The following CHGB variants were observed in gnomAD, a reference collection of about 807,000 sequenced individuals.
CHGB encodes the protein secretogranin-1.
A neutral mutation model predicts 69.9 loss-of-function variants in CHGB; 46 were observed. That is an observed-to-expected ratio of 0.66 (90% CI 0.52 to 0.84). The LOEUF (loss-of-function observed/expected upper bound fraction) is 0.84. CHGB is among the 40% of genes least tolerant of loss of function. The probability of loss-of-function intolerance (pLI) is 0.00; values close to 1 mark genes in which losing one functional copy is unlikely to be tolerated. For synonymous variants in CHGB, 312 were observed against 298.2 expected (o/e 1.05, Z -0.48); for missense variants, 796 against 822.2 (o/e 0.97, Z 0.39).
In CHGB at chr20:5,923,059, A is replaced by C. The variant is rs1322099030; in HGVS notation, c.915A>C (p.Gly305=). 3.7e-6 allele frequency: 6 copies of C among 1,613,966 alleles called. No individual in the cohort carries two copies. The highest frequency in any genetic ancestry group is 8.5e-7 in the Non-Finnish European group (1 of 1,179,970). Residue 305 remains glycine, a synonymous_variant, in exon 4 of 5, where the codon GGA becomes GGC. Coordinates refer to ENST00000378961, the MANE Select transcript of CHGB (RefSeq NM_001819.3). ...QGGSLPSEEK[G]HPQEESEESN... ...GGAGTCTTCCCTCTGAGGAAAAGGG[A>C]CACCCCCAGGAGGAATCTGAGGAGT... is the stretch of plus-strand genomic sequence containing the variant.
intron 3 of CHGB, among the ~76,000 whole-genome samples, chr20:5,921,702 A>G (rs1600213743): frequency 2.0e-5 from 3 of 152,240 alleles, no homozygotes; most frequent in African/African-American, 7.2e-5. Flanking sequence ...TTTCTCAGGC[A>G]AGAAATGTAC....
intron 1 of CHGB, chr20:5,915,679 A>G (rs1490959588): frequency 6.6e-6 from 1 of 152,210 alleles, no homozygotes; most frequent in African/African-American, 2.4e-5. Flanking sequence ...GTAGGCAGAG[A>G]AGGACCAAGG....
chr20:5,916,147 T>G, intron 1 of CHGB, 179 bp from the exon 2 acceptor site: 1 of 607,120 alleles, frequency 1.6e-6, no homozygotes, highest in Non-Finnish European at 2.9e-6. Flanking sequence ...AGAAGTCCCC[T>G]CCTTGTCTGT....
rs2088535655 is a variant in CHGB, at chr20:5,924,059, G to T, written c.1915G>T (p.Glu639Ter). 1 of 1,613,210 alleles carries T rather than the reference G, an allele frequency of 6.2e-7. No homozygotes were observed. The highest frequency in any genetic ancestry group is 1.7e-5 in the Admixed American group (1 of 59,922). ...PVSTHQEAEN[E>*]KDRADQTVLT... ...GAGCACCCACCAGGAGGCAGAAAAT[G>T]AAAAGGACAGGGCTGACCAGACAGT... Residue 639 changes from glutamate to a stop codon, truncating the protein, a stop_gained, in exon 4 of 5, where the codon GAA (glutamate) becomes TAA (stop). Coordinates refer to ENST00000378961, the MANE Select transcript of CHGB (RefSeq NM_001819.3). LOFTEE classifies it high-confidence loss of function.
chr20:5,923,786 G>C lies in CHGB; in HGVS notation c.1642G>C (p.Glu548Gln). The C allele has an allele frequency of 8.1e-6, 13 of 1,614,200 alleles. No individual in the cohort carries two copies. The highest frequency in any genetic ancestry group is 8.5e-6 in the Non-Finnish European group (10 of 1,180,028). Reference sequence around the variant, plus strand: ...AGACAACATGAATGACAATTTTCTCGAGGGTGAGGAGGAAAATGAGCTGAC... The same window carrying C: ...AGACAACATGAATGACAATTTTCTCCAGGGTGAGGAGGAAAATGAGCTGAC... ...RRDNMNDNFL[E>Q]GEEENELTLN... Residue 548 changes from glutamate to glutamine, a missense_variant, in exon 4 of 5, where the codon GAG (glutamate) becomes CAG (glutamine). Glu to Gln is a conservative substitution (Grantham distance 29). This residue lies in a region of CHGB where 274 missense variants were observed against 298.9 expected (regional missense o/e 0.92). Coordinates refer to ENST00000378961, the MANE Select transcript of CHGB (RefSeq NM_001819.3).
chr20:5,919,964 A>G (rs1389504197), intron 3 of CHGB, among the ~76,000 whole-genome samples: 7 of 152,194 alleles, frequency 4.6e-5, no homozygotes, highest in Admixed American at 4.6e-4. Context: ...TAATTTCTTC[A>G]CAGGTACAAG....
Position 5,925,087 on chromosome 20 carries a change from A to T in CHGB, c.*38A>T. 7.1e-7 allele frequency: 1 copy of T among 1,412,820 alleles called. No homozygotes were observed. Among genetic ancestry groups the T allele is most frequent in the Non-Finnish European group, 9.9e-7 (1 of 1,008,572 alleles). 87.5% of individuals were successfully genotyped at this position (1,412,820 alleles called of 1,614,324 possible). A position where few individuals can be genotyped will look rare whatever the true frequency, so the allele number is the denominator to read the frequency against. On this transcript the variant is annotated 3_prime_UTR_variant, in exon 5 of 5. Coordinates refer to ENST00000378961, the MANE Select transcript of CHGB (RefSeq NM_001819.3). ...CGGTGGGCACTGTTAAGAAGCAGCC[A>T]TCACATGATCTGTTTTTCACCACTT...
intron 3 of CHGB, chr20:5,917,659 G>A (rs2088483908): frequency 6.6e-6 from 1 of 152,214 alleles, no homozygotes; most frequent in Non-Finnish European, 1.5e-5. Flanking sequence ...AGTAATATAA[G>A]CAGTACCCAT....
chr20:5,918,758 G>A (rs2088494366), intron 3 of CHGB, among the ~76,000 whole-genome samples: 3 of 125,908 alleles, frequency 2.4e-5, no homozygotes, highest in Admixed American at 2.0e-4. Flanking sequence ...GTTGCAGTAA[G>A]CCGAGATTGC....
chr20:5,919,925 A>G (rs1240693167), intron 3 of CHGB, among the ~76,000 whole-genome samples: 1 of 152,248 alleles, frequency 6.6e-6, no homozygotes, highest in African/African-American at 2.4e-5. Context: ...TGTTTTATGG[A>G]TTTGAGAGAC....
chr20:5,923,966 G>A lies in CHGB; in HGVS notation c.1822G>A (p.Asp608Asn). 6.2e-7 allele frequency: 1 copy of A among 1,614,084 alleles called. No individual in the cohort carries two copies. Among genetic ancestry groups the A allele is most frequent in the Non-Finnish European group, 8.5e-7 (1 of 1,180,006 alleles). Residue 608 changes from aspartate to asparagine, a missense_variant, in exon 4 of 5, where the codon GAC (aspartate) becomes AAC (asparagine). Physicochemically the swap from Asp to Asn is conservative, Grantham distance 23. This residue lies in a region of CHGB where 274 missense variants were observed against 298.9 expected (regional missense o/e 0.92). Coordinates refer to ENST00000378961, the MANE Select transcript of CHGB (RefSeq NM_001819.3). The stretch of plus-strand genomic sequence containing the variant: ...GCAATATGACAGGGTGGCCCAACTG[G>A]ACCAGCTCCTTCACTACAGGAAGAA... ...KRQYDRVAQL[D>N]QLLHYRKKSA... is the part of the protein sequence containing the mutation.
intron 3 of CHGB, among the ~76,000 whole-genome samples, chr20:5,921,936 A>G (rs1168299961): frequency 6.6e-6 from 1 of 152,242 alleles, no homozygotes; most frequent in Non-Finnish European, 1.5e-5. Flanking sequence ...AAATATGGAA[A>G]GAATGGTCTT....
At chr20:5,924,500 T>C (rs570919520) in intron 4 of CHGB, among the ~76,000 whole-genome samples, 37 of 152,346 alleles carry the variant, frequency 2.4e-4, no homozygotes, top group Admixed American at 2.2e-3. Context: ...GGTCCTCTTA[T>C]TGTTCATCAC....
intron 3 of CHGB, among the ~76,000 whole-genome samples, chr20:5,921,433 C>A (rs944536232): frequency 6.6e-6 from 1 of 152,230 alleles, no homozygotes; most frequent in African/African-American, 2.4e-5. Flanking sequence ...TCCCAGCTAA[C>A]AACTGAGACA....
chr20:5,919,824 G>T (rs1306339715), intron 3 of CHGB, among the ~76,000 whole-genome samples: 1 of 152,016 alleles, frequency 6.6e-6, no homozygotes, highest in Non-Finnish European at 1.5e-5. Flanking sequence ...TCCACCCCAC[G>T]CCCATCTCCA....
chr20:5,914,258 G>A (rs766978148), intron 1 of CHGB, among the ~76,000 whole-genome samples: 7 of 151,902 alleles, frequency 4.6e-5, no homozygotes, highest in Non-Finnish European at 8.8e-5. Flanking sequence ...AAATTTTACC[G>A]GAAAAATACA....
In CHGB at chr20:5,923,516, A is replaced by C; in HGVS notation, c.1372A>C (p.Arg458=). The change falls in exon 4 of 5, where the codon AGG becomes CGG. Residue 458 remains arginine (R), a synonymous_variant. Coordinates refer to ENST00000378961, the MANE Select transcript of CHGB (RefSeq NM_001819.3). ...AGAAAACCAGATGGACAAGGCAAGG[A>C]GGCATCCACAAGGTGCGTGGAAAGA... is the stretch of plus-strand genomic sequence containing the variant. The part of the protein sequence containing the change: ...VQENQMDKAR[R]HPQGAWKELD... The C allele has an allele frequency of 6.2e-7, 1 of 1,614,178 alleles. No individual in the cohort carries two copies. Among genetic ancestry groups the C allele is most frequent in the Non-Finnish European group, 8.5e-7 (1 of 1,180,028 alleles).
At chr20:5,913,340 AC>A (rs1164131348) in intron 1 of CHGB, among the ~76,000 whole-genome samples, 3 of 152,068 alleles carry the variant, frequency 2.0e-5, no homozygotes, top group Non-Finnish European at 4.4e-5. Flanking sequence ...GATACCACAA[AC>A]CCATTAGCAA....
intron 3 of CHGB, among the ~76,000 whole-genome samples, chr20:5,919,726 C>G (rs1431749436): frequency 1.3e-5 from 2 of 152,206 alleles, no homozygotes; most frequent in Non-Finnish European, 1.5e-5. Flanking sequence ...CTAGTTCTCT[C>G]TCTCTTGTTG....
Sources: gnomAD v4.1 joint callset for allele counts (sites outside exome capture counted in the v4.1 genomes callset) on GRCh38, gnomAD v4.1.1 for gene constraint, gnomAD v4.1.1 regional missense constraint, MANE v1.5 for transcripts, NCBI Gene and HGNC (gene_info 2026-07-23, HGNC 2026-07-21) for gene names.